ATP6V0D1: variants seen among roughly 807,000 people sequenced by gnomAD.
ATP6V0D1 encodes ATPase H+ transporting V0 subunit d1.
Under a neutral mutation model 39.0 loss-of-function variants are expected in ATP6V0D1, and 13 were observed. The ratio of observed to expected loss-of-function variants is 0.33; its 90% CI spans 0.22 to 0.53. The LOEUF is 0.53. Among genes scored for constraint, ATP6V0D1 ranks in the 20% least tolerant of loss-of-function variants. The pLI, the probability that ATP6V0D1 is intolerant of heterozygous loss-of-function variation, is 0.94. For missense variants in ATP6V0D1, 272 were observed against 470.9 expected, an observed-to-expected ratio of 0.58 and a Z score of 3.91; for synonymous variants, 191 against 191.2, an observed-to-expected ratio of 1.00 and a Z score of 0.01.
rs200878935 is a variant in ATP6V0D1, at chr16:67,481,089, C to A, written c.-3G>T. 1 of 1,613,884 alleles carries A rather than the reference C, an allele frequency of 6.2e-7. No individual in the cohort carries two copies. Among genetic ancestry groups the A allele is most frequent in the Non-Finnish European group, 8.5e-7 (1 of 1,179,874 alleles). ...TAAAGCTCCGGGAAGAACGACATGGCTGCTGCGGGAGCGGCGGGACCGGAG... is the reference window on the plus strand; with the variant it reads ...TAAAGCTCCGGGAAGAACGACATGGATGCTGCGGGAGCGGCGGGACCGGAG... On this transcript the variant is annotated 5_prime_UTR_variant, in exon 1 of 8. Coordinates refer to ENST00000290949, the MANE Select transcript of ATP6V0D1 (RefSeq NM_004691.5).
chr16:67,456,501 A>T lies in ATP6V0D1; in HGVS notation c.131-2786T>A, dbSNP rs2041239297. 6.6e-6 allele frequency: 1 copy of T among 152,232 alleles called. No homozygotes were observed. 9.4% of individuals were successfully genotyped at this position (152,232 alleles called of 1,614,324 possible). On this transcript the variant is annotated intron_variant, in intron 1 of 7. Transcript: ENST00000290949. The surrounding 1 kb of genome is among the most constrained non-coding windows in gnomAD (Gnocchi z 4.1). ...TCTGGCCCAGGCCCAGCAAGTGCTGAAATCTCCACTAGGGGAAGCTGCAGA... is the reference window on the plus strand; with the variant it reads ...TCTGGCCCAGGCCCAGCAAGTGCTGTAATCTCCACTAGGGGAAGCTGCAGA...
At chr16:67,451,716 A>G (rs1449930484) in intron 2 of ATP6V0D1, among the ~76,000 whole-genome samples, 1 of 152,224 alleles carries the variant, frequency 6.6e-6, no homozygotes, top group Non-Finnish European at 1.5e-5. Flanking sequence ...ACAATCACCC[A>G]TGAATGGAAG....
At chr16:67,446,813 A>G (rs547232106) in intron 2 of ATP6V0D1, among the ~76,000 whole-genome samples, 2 of 152,108 alleles carry the variant, frequency 1.3e-5, no homozygotes, top group African/African-American at 4.8e-5. Flanking sequence ...TCCCTTTCGG[A>G]CGGGAAGAGG....
At chr16:67,479,213 A>ATTTTT (rs574026889) in intron 1 of ATP6V0D1, among the ~76,000 whole-genome samples, 11 of 142,372 alleles carry the variant, frequency 7.7e-5, no homozygotes, top group African/African-American at 2.6e-4. Context: ...TGTACTGCCG[A>ATTTTT]TTTTTTTTTT....
chr16:67,475,144 A>C (rs1193023930), intron 1 of ATP6V0D1, among the ~76,000 whole-genome samples: 5 of 152,038 alleles, frequency 3.3e-5, no homozygotes, highest in Non-Finnish European at 7.3e-5. Context: ...TTACTATCCC[A>C]TCCGCTGCAC....
chr16:67,466,960 G>A (rs1163626503), intron 1 of ATP6V0D1, among the ~76,000 whole-genome samples: 1 of 152,110 alleles, frequency 6.6e-6, no homozygotes, highest in East Asian at 1.9e-4. Flanking sequence ...GGACGTGGAG[G>A]GAAGCATGGG....
chr16:67,441,264 C>T (rs528821874), intron 4 of ATP6V0D1: 96 of 152,394 alleles, frequency 6.3e-4, no homozygotes, highest in African/African-American at 2.2e-3. Context: ...CAATCCACGG[C>T]TGCTGCACCA....
intron 1 of ATP6V0D1, among the ~76,000 whole-genome samples, chr16:67,470,780 C>T (rs113194734): frequency 2.4e-4 from 37 of 152,190 alleles, no homozygotes; most frequent in Admixed American, 3.9e-4. Flanking sequence ...TCTGGTAGCC[C>T]GTATCTCAAA....
intron 1 of ATP6V0D1, among the ~76,000 whole-genome samples, chr16:67,466,506 G>A (rs1235642435): frequency 6.6e-6 from 1 of 150,394 alleles, no homozygotes; most frequent in Non-Finnish European, 1.5e-5. Context: ...TCCAGCCTGG[G>A]CAACAAGAAT....
intron 1 of ATP6V0D1, chr16:67,457,252 A>G: frequency 7.7e-6 from 2 of 259,662 alleles, no homozygotes; most frequent in South Asian, 8.6e-5. Context: ...CAGCCTCAGG[A>G]ACAGAAATCA....
At chr16:67,468,699 A>T (rs1478401142) in intron 1 of ATP6V0D1, among the ~76,000 whole-genome samples, 1 of 152,160 alleles carries the variant, frequency 6.6e-6, no homozygotes, top group Non-Finnish European at 1.5e-5. Context: ...CAATGTTTAA[A>T]ATAAGGTGTT....
At chr16:67,473,424 T>C (rs1279003567) in intron 1 of ATP6V0D1, among the ~76,000 whole-genome samples, 2 of 151,748 alleles carry the variant, frequency 1.3e-5, no homozygotes, top group African/African-American at 2.4e-5. Flanking sequence ...TCTCAGCTCA[T>C]TGCAACCTCC....
At position 67,444,855 on chromosome 16, in the gene ATP6V0D1, C is replaced by G. The variant is rs1303577282; in HGVS notation, c.303-149G>C. On this transcript the variant is annotated intron_variant, in intron 2 of 7. Transcript: ENST00000290949. The surrounding 1 kb of genome is among the most constrained non-coding windows in gnomAD (Gnocchi z 4.8). ...GTGCTGCGGATAAGCACCAGTGTCT[C>G]CTCTCCCTCCCCATGTTCCTCTCAA... is the stretch of plus-strand genomic sequence containing the variant. 5.7e-6 allele frequency: 4 copies of G among 705,926 alleles called. No homozygotes were observed. The highest frequency in any genetic ancestry group is 8.9e-6 in the Non-Finnish European group (4 of 449,098). 43.7% of individuals were successfully genotyped at this position (705,926 alleles called of 1,614,324 possible). A position where few individuals can be genotyped will look rare whatever the true frequency, so the allele number is the denominator to read the frequency against.
intron 1 of ATP6V0D1, among the ~76,000 whole-genome samples, chr16:67,472,982 C>G (rs745320223): frequency 6.6e-6 from 1 of 152,154 alleles, no homozygotes; most frequent in Non-Finnish European, 1.5e-5. Context: ...CAATTTTTTA[C>G]CATAACTTTC....
chr16:67,480,198 C>CAAAA (rs5817621), intron 1 of ATP6V0D1, among the ~76,000 whole-genome samples: 9 of 29,484 alleles, frequency 3.1e-4, no homozygotes, highest in Admixed American at 6.0e-4. Context: ...GACTCCGTCT[C>CAAAA]AAAAAAAAAA....
chr16:67,460,701 C>G (rs1011972401), intron 1 of ATP6V0D1, among the ~76,000 whole-genome samples: 1 of 152,166 alleles, frequency 6.6e-6, no homozygotes, highest in Non-Finnish European at 1.5e-5. Context: ...CCATCCGGAA[C>G]CTTGGCACTA....
intron 2 of ATP6V0D1, among the ~76,000 whole-genome samples, chr16:67,450,133 C>T (rs1291391668): frequency 6.6e-6 from 1 of 152,204 alleles, no homozygotes; most frequent in East Asian, 1.9e-4. Context: ...GCTTCTACTG[C>T]CTGGAGGACT....
chr16:67,438,809 C>T lies in ATP6V0D1; in HGVS notation c.878G>A (p.Arg293Gln), dbSNP rs1272814852. The T allele has an allele frequency of 1.9e-6, 3 of 1,613,748 alleles. No individual in the cohort carries two copies. Among genetic ancestry groups the T allele is most frequent in the Non-Finnish European group, 1.7e-6 (2 of 1,180,002 alleles). Residue 293 changes from arginine to glutamine, a missense_variant, in exon 7 of 8, where the codon CGA (arginine) becomes CAA (glutamine). Coordinates refer to ENST00000290949, the MANE Select transcript of ATP6V0D1 (RefSeq NM_004691.5). Reference protein sequence around the residue: ...SNPGDKTLEDRFFEHEVKLNK... With the variant: ...SNPGDKTLEDQFFEHEVKLNK... ...CAGACTCACCTCGTGCTCAAAGAATCGGTCCTCCAGCGTCTTGTCTCCAGG... is the reference window on the plus strand; with the variant it reads ...CAGACTCACCTCGTGCTCAAAGAATTGGTCCTCCAGCGTCTTGTCTCCAGG...
In ATP6V0D1 at chr16:67,453,827, G is replaced by A. The variant is rs114357015; in HGVS notation, c.131-112C>T. On this transcript the variant is annotated intron_variant, in intron 1 of 7. Transcript: ENST00000290949. This position sits in a 1 kb window ranked among gnomAD's most constrained non-coding sequence, Gnocchi z 4.1. ...CAGCTCTCCCCTGCAGTTGTGTCCC[G>A]CTACTACCCTGATCTCCATCTCCCT... 1,376 of 1,007,856 alleles carry A rather than the reference G, an allele frequency of 1.4e-3. 15 individuals carry two copies. In the African/African-American group the frequency reaches 0.018, roughly 13 times the overall value. 62.4% of individuals were successfully genotyped at this position (1,007,856 alleles called of 1,614,324 possible).
Sources: gnomAD v4.1 joint callset for allele counts (sites outside exome capture counted in the v4.1 genomes callset) on GRCh38, gnomAD v4.1.1 for gene constraint, Gnocchi (gnomAD v3.1) non-coding constraint, MANE v1.5 for transcripts, NCBI Gene and HGNC (gene_info 2026-07-23, HGNC 2026-07-21) for gene names.